The following MUC5B variants were observed in gnomAD, a reference collection of about 807,000 sequenced individuals.
MUC5B encodes the protein mucin-5B.
MUC5B carries 116 observed loss-of-function variants against 376.9 expected under a neutral mutation model. The ratio of observed to expected loss-of-function variants is 0.31; its 90% CI spans 0.26 to 0.36. MUC5B has a LOEUF of 0.36. Ranked by LOEUF, MUC5B falls within the 10% of genes least tolerant of loss-of-function variation. The pLI is 1.00. For synonymous variants in MUC5B, 3,517 were observed against 3,390.9 expected, an observed-to-expected ratio of 1.04 and a Z score of -1.29; for missense variants, 7,165 against 7,769.9, an observed-to-expected ratio of 0.92 and a Z score of 2.93.
rs766618080 is a variant in MUC5B at position 1,240,289 on chromosome 11, T to C, written c.3884T>C (p.Ile1295Thr). 1 of 1,613,676 alleles carries C rather than the reference T, an allele frequency of 6.2e-7. No individual in the cohort carries two copies. ...GCCATCTGCGGAAGCAACGGCACCATCATCAGGAAGGCTGTGGCATGTCCT... is the reference window on the plus strand; with the variant it reads ...GCCATCTGCGGAAGCAACGGCACCACCATCAGGAAGGCTGTGGCATGTCCT... ...LIAICGSNGT[I>T]IRKAVACPGT... Residue 1295 changes from isoleucine (I) to threonine (T), a missense_variant, in exon 30 of 49, where the codon ATC becomes ACC. Around this residue, in one of 31 missense-constraint regions of MUC5B, gnomAD observed 517 missense variants for 545.3 expected, o/e 0.95. Transcript: ENST00000529681.
rs371984347 is a variant in MUC5B, at chr11:1,246,408, C to T, written c.9528C>T (p.Pro3176=). 1.2e-6 allele frequency: 2 copies of T among 1,613,434 alleles called. No individual in the cohort carries two copies. Among genetic ancestry groups the T allele is most frequent in the Non-Finnish European group, 1.7e-6 (2 of 1,179,778 alleles). ...GCACTACAGCCACCGTGACGGTGCC[C>T]ACCGGATCCACGGCCACCGCCTCCT... ...EPSTTATVTV[P]TGSTATASST... is the part of the protein sequence containing the mutation. The change falls in exon 31 of 49, where the codon CCC becomes CCT. Residue 3176 remains proline (P), a synonymous_variant. Transcript: ENST00000529681.
chr11:1,254,633 C>T (rs540437587), intron 34 of MUC5B, 61 bp from the exon 35 acceptor site: 8 of 1,521,176 alleles, frequency 5.3e-6, no homozygotes, highest in Admixed American at 3.9e-5. Context: ...AAAGAGAAGC[C>T]CTGCTCCCCG....
rs749074969 is a variant in MUC5B at position 1,258,357 on chromosome 11, C to T, written c.16583C>T (p.Thr5528Ile). The T allele has an allele frequency of 1.2e-6, 2 of 1,612,190 alleles. No individual in the cohort carries two copies. The highest frequency in any genetic ancestry group is 8.5e-7 in the Non-Finnish European group (1 of 1,179,592). Reference sequence around the variant, plus strand: ...CCTCAGCTGTGTTCGTACAATGGCACCTTCTACGGGGTAAGGGCACAGCAG... The same window carrying T: ...CCTCAGCTGTGTTCGTACAATGGCATCTTCTACGGGGTAAGGGCACAGCAG... ...CRPQLCSYNGTFYGVGATFPG... is the reference protein window; with the variant it reads ...CRPQLCSYNGIFYGVGATFPG... Residue 5528 changes from threonine to isoleucine, a missense_variant, in exon 43 of 49, where the codon ACC (threonine) becomes ATC (isoleucine). By Grantham distance (89) the Thr-to-Ile change is moderately conservative. This residue lies in a region of MUC5B where 842 missense variants were observed against 1,016.9 expected (regional missense o/e 0.83). Transcript: ENST00000529681. This position sits in a 1 kb window ranked among gnomAD's most constrained non-coding sequence, Gnocchi z 5.5.
At chr11:1,239,970 T>C (rs1564937596) in intron 28 of MUC5B, 27 bp downstream of exon 28, 24 of 1,611,010 alleles carry the variant, frequency 1.5e-5, no homozygotes, top group Non-Finnish European at 2.0e-5. Context: ...CGGGTGGCGC[T>C]GGGGGAGCAG....
intron 37 of MUC5B, 39 bp from the exon 38 acceptor site, chr11:1,256,117 C>A (rs1862828218): frequency 1.4e-6 from 1 of 709,932 alleles, no homozygotes; most frequent in Non-Finnish European, 2.6e-6. Flanking sequence ...TGGGCCCCCC[C>A]AACCCCTTGG....
At position 1,243,700 on chromosome 11, in the gene MUC5B, G is replaced by A. The variant is rs1291155344; in HGVS notation, c.6820G>A (p.Gly2274Ser). ...SPPSPGTTTPGHTTATSRTTA... is the reference protein window; with the variant it reads ...SPPSPGTTTPSHTTATSRTTA... ...CCCTTCTCCAGGGACGACCACCCCG[G>A]GCCACACCACGGCCACCTCCAGGAC... Residue 2274 changes from glycine to serine, a missense_variant, in exon 31 of 49, where the codon GGC becomes AGC. Around this residue, in one of 31 missense-constraint regions of MUC5B, gnomAD observed 79 missense variants for 63.0 expected, o/e 1.25. Coordinates refer to ENST00000529681, the MANE Select transcript of MUC5B (RefSeq NM_002458.3). 1 of 1,610,282 alleles carries A rather than the reference G, an allele frequency of 6.2e-7. No individual in the cohort carries two copies. The highest frequency in any genetic ancestry group is 1.7e-5 in the Admixed American group (1 of 59,860).
At chr11:1,252,648 G>C in intron 32 of MUC5B, 124 bp downstream of exon 32, 2 of 1,372,568 alleles carry the variant, frequency 1.5e-6, no homozygotes, top group South Asian at 1.5e-5. Flanking sequence ...TCTCCAGTTG[G>C]AGGAGGCACA....
Position 1,238,906 on chromosome 11 carries a change from C to T in MUC5B, c.3333C>T (p.Asn1111=), listed in dbSNP as rs1007302373. ...CCAAGTACTACGAGGCCTGCGTGAA[C>T]GACGCGTGTGCCTGCGACTCGGGTG... ...DSTKYYEACV[N]DACACDSGGD... is the part of the protein sequence containing the mutation. Residue 1111 remains asparagine (N), a synonymous_variant, in exon 26 of 49, where the codon AAC becomes AAT. Coordinates refer to ENST00000529681, the MANE Select transcript of MUC5B (RefSeq NM_002458.3). 16 of 1,567,066 alleles carry T rather than the reference C, an allele frequency of 1.0e-5. No homozygotes were observed. Among genetic ancestry groups the T allele is most frequent in the East Asian group, 2.4e-5 (1 of 42,100 alleles).
intron 23 of MUC5B, among the ~76,000 whole-genome samples, chr11:1,235,735 C>T (rs950376995): frequency 6.6e-6 from 1 of 152,082 alleles, no homozygotes; most frequent in Non-Finnish European, 1.5e-5. Context: ...GTGTCTGCGT[C>T]TGTCTTCTCT....
chr11:1,224,185 C>T (rs1861826573), intron 1 of MUC5B, among the ~76,000 whole-genome samples: 1 of 152,234 alleles, frequency 6.6e-6, no homozygotes, highest in South Asian at 2.1e-4. Flanking sequence ...CCTAGGGACT[C>T]TCAGCCCACC....
In MUC5B at chr11:1,258,942, G is replaced by T. The variant is rs1490181859; in HGVS notation, c.16594G>T (p.Val5532Phe). ...LCSYNGTFYG[V>F]GATFPGALPC... The stretch of plus-strand genomic sequence containing the variant: ...AGTGCCACCCTCCCACCCCTTGCAG[G>T]TTGGTGCAACCTTCCCAGGCGCCCT... The change falls in exon 44 of 49, where the codon GTT (valine) becomes TTT (phenylalanine). Residue 5532 changes from valine to phenylalanine, a missense_variant and splice_region_variant. Coordinates refer to ENST00000529681, the MANE Select transcript of MUC5B (RefSeq NM_002458.3). The surrounding 1 kb of genome is among the most constrained non-coding windows in gnomAD (Gnocchi z 5.5). The T allele has an allele frequency of 6.4e-7, 1 of 1,551,044 alleles. No individual in the cohort carries two copies. Among genetic ancestry groups the T allele is most frequent in the Non-Finnish European group, 8.7e-7 (1 of 1,147,490 alleles).
rs748053746 is a variant in MUC5B at position 1,239,557 on chromosome 11, G to A, written c.3574G>A (p.Gly1192Ser). The A allele has an allele frequency of 6.4e-6, 10 of 1,573,160 alleles. No homozygotes were observed. The highest frequency in any genetic ancestry group is 8.7e-6 in the Non-Finnish European group (10 of 1,155,552). Residue 1192 changes from glycine to serine, a missense_variant, in exon 27 of 49, where the codon GGC becomes AGC. Physicochemically the swap from Gly to Ser is moderately conservative, Grantham distance 56 (BLOSUM62 0). Transcript: ENST00000529681. ...PSGHCLVDLP[G>S]LEGCYPKCPP... ...TGGGCACTGCCTGGTGGACCTGCCT[G>A]GCCTGGAAGGTGAGGGGCAGCCTTT...
chr11:1,249,399 G>C lies in MUC5B; in HGVS notation c.12519G>C (p.Glu4173Asp), dbSNP rs368298868. 34 of 1,611,292 alleles carry C rather than the reference G, an allele frequency of 2.1e-5. No homozygotes were observed. The highest frequency in any genetic ancestry group is 2.5e-5 in the Non-Finnish European group (30 of 1,179,624). Reference sequence around the variant, plus strand: ...TCTGTGAGCAGCCCCTGGGCCTCGAGTGCCGTGCCCAGGCCCAGCCTGGTG... The same window carrying C: ...TCTGTGAGCAGCCCCTGGGCCTCGACTGCCGTGCCCAGGCCCAGCCTGGTG... Reference protein sequence around the residue: ...GAVCEQPLGLECRAQAQPGVP... With the variant: ...GAVCEQPLGLDCRAQAQPGVP... Residue 4173 changes from glutamate to aspartate, a missense_variant, in exon 31 of 49, where the codon GAG (glutamate) becomes GAC (aspartate). Physicochemically the swap from Glu to Asp is conservative, Grantham distance 45. This residue lies in a region of MUC5B where 34 missense variants were observed against 25.7 expected (regional missense o/e 1.32). Transcript: ENST00000529681.
intron 18 of MUC5B, 30 bp downstream of exon 18, chr11:1,233,298 C>T (rs1862077262): frequency 2.7e-6 from 4 of 1,498,454 alleles, no homozygotes; most frequent in Non-Finnish European, 3.6e-6. Flanking sequence ...GCAGGCCCCC[C>T]AGGTGCTCCT....
chr11:1,234,684 G>A lies in MUC5B; in HGVS notation c.2630+4G>A. Reference sequence around the variant, plus strand: ...TCAGGGTCGACTGCAACACCTGGTGGGTCGTGAGTCTCTCGGAGGCAGCAG... The same window carrying A: ...TCAGGGTCGACTGCAACACCTGGTGAGTCGTGAGTCTCTCGGAGGCAGCAG... On this transcript the variant is annotated splice_donor_region_variant and intron_variant, in intron 21 of 48. Transcript: ENST00000529681. The surrounding 1 kb of genome is among the most constrained non-coding windows in gnomAD (Gnocchi z 6.3). The A allele has an allele frequency of 2.0e-6, 3 of 1,518,474 alleles. No homozygotes were observed. Among genetic ancestry groups the A allele is most frequent in the Non-Finnish European group, 2.7e-6 (3 of 1,128,188 alleles). The allele number at this position is 1,518,474 out of a possible 1,614,324, so 94.1% of individuals were successfully genotyped here. A position where few individuals can be genotyped will look rare whatever the true frequency, so the allele number is the denominator to read the frequency against.
chr11:1,247,174 A>G lies in MUC5B; in HGVS notation c.10294A>G (p.Thr3432Ala), dbSNP rs1426901534. ...CACCACACCTGCAGCCACCAGCAGC[A>G]CAGTGACTCCCTCCTCTGCCCTAGG... Reference protein sequence around the residue: ...TATTPAATSSTVTPSSALGTT... With the variant: ...TATTPAATSSAVTPSSALGTT... Residue 3432 changes from threonine (T) to alanine (A), a missense_variant, in exon 31 of 49, where the codon ACA (threonine) becomes GCA (alanine). Coordinates refer to ENST00000529681, the MANE Select transcript of MUC5B (RefSeq NM_002458.3). 6.5e-7 allele frequency: 1 copy of G among 1,549,292 alleles called. No homozygotes were observed. Among genetic ancestry groups the G allele is most frequent in the Non-Finnish European group, 8.8e-7 (1 of 1,134,080 alleles).
At position 1,250,953 on chromosome 11, in the gene MUC5B, C is replaced by A; in HGVS notation, c.14073C>A (p.Gly4691=). The change falls in exon 31 of 49, where the codon GGC becomes GGA. Residue 4691 remains glycine (G), a synonymous_variant. Transcript: ENST00000529681. ...TTTATTITAT[G]STTNPSSTPG... is the part of the protein sequence containing the mutation. ...CGGCCACTACGATCACGGCCACCGG[C>A]TCCACCACCAACCCCTCCTCAACTC... 1.2e-6 allele frequency: 2 copies of A among 1,610,408 alleles called. No individual in the cohort carries two copies. The highest frequency in any genetic ancestry group is 1.7e-6 in the Non-Finnish European group (2 of 1,178,030).
chr11:1,228,673 C>G lies in MUC5B; in HGVS notation c.884C>G (p.Pro295Arg). 1 of 1,534,460 alleles carries G rather than the reference C, an allele frequency of 6.5e-7. No individual in the cohort carries two copies. Among genetic ancestry groups the G allele is most frequent in the Non-Finnish European group, 8.7e-7 (1 of 1,146,312 alleles). ...TGCGCCCAGGACCTGTGCCGCTGCC[C>G]CACCTGCCCGTGTGCCACCTTTGTG... ...AACAQDLCRCPTCPCATFVEY... is the reference protein window; with the variant it reads ...AACAQDLCRCRTCPCATFVEY... Residue 295 changes from proline (P) to arginine (R), a missense_variant, in exon 8 of 49, where the codon CCC becomes CGC. Pro to Arg is a moderately radical substitution (Grantham distance 103). Coordinates refer to ENST00000529681, the MANE Select transcript of MUC5B (RefSeq NM_002458.3).
At chr11:1,225,618 G>A (rs1861862035) in intron 1 of MUC5B, 63 bp from the exon 2 acceptor site, 1 of 1,483,872 alleles carries the variant, frequency 6.7e-7, no homozygotes, top group Non-Finnish European at 9.2e-7. Flanking sequence ...CAGGTCCGTG[G>A]TTGGGTTCGT....
Sources: allele counts gnomAD v4.1 joint callset (sites outside exome capture counted in the v4.1 genomes callset), GRCh38; gene constraint gnomAD v4.1.1; regional missense constraint gnomAD v4.1.1; non-coding constraint Gnocchi (gnomAD v3.1); transcripts MANE v1.5; gene names NCBI Gene and HGNC (gene_info 2026-07-23, HGNC 2026-07-21).